Variants in CHID1 observed in about 807,000 individuals in gnomAD.
The protein encoded by CHID1 is chitinase domain containing 1, also known as chitinase domain-containing protein 1.
CHID1 carries 44 observed loss-of-function variants against 55.4 expected under a neutral mutation model. That is an observed-to-expected ratio of 0.79 (90% CI 0.62 to 1.02). The LOEUF is 1.02. Ranked by LOEUF, CHID1 falls within the 50% of genes least tolerant of loss-of-function variation. The probability of loss-of-function intolerance (pLI) is 0.00; values close to 1 mark genes in which losing one functional copy is unlikely to be tolerated. For missense variants in CHID1, 491 were observed against 515.3 expected (o/e 0.95, Z 0.46); for synonymous variants, 216 against 212.9 (o/e 1.01, Z -0.13).
intron 10 of CHID1, among the ~76,000 whole-genome samples, chr11:876,393 G>A (rs1179087512): frequency 1.3e-5 from 2 of 152,178 alleles, no homozygotes; most frequent in Non-Finnish European, 2.9e-5. Flanking sequence ...TCAGGGAGGG[G>A]CTGGACACCA....
upstream of CHID1, among the ~76,000 whole-genome samples, chr11:911,668 A>G (rs902012289): frequency 1.3e-5 from 2 of 152,102 alleles, no homozygotes; most frequent in Non-Finnish European, 2.9e-5. Flanking sequence ...CTTTCTTTCT[A>G]GTCACGTTTC....
intron 1 of CHID1, chr11:908,105 G>T (rs1458635003): frequency 6.6e-6 from 1 of 152,204 alleles, no homozygotes; most frequent in Non-Finnish European, 1.5e-5. Flanking sequence ...TGCATAGAAA[G>T]AACACGCTCC....
chr11:910,950 CG>C, upstream of CHID1: 2 of 417,994 alleles, frequency 4.8e-6, no homozygotes, highest in Non-Finnish European at 6.4e-6. Context: ...GGGCCGGGGC[CG>C]GGGCCGGGGC....
chr11:889,792 A>G (rs924919560), intron 8 of CHID1, among the ~76,000 whole-genome samples: 1 of 152,104 alleles, frequency 6.6e-6, no homozygotes, highest in African/African-American at 2.4e-5. Flanking sequence ...CCCCAACCCT[A>G]ACAGATGCTG....
chr11:903,016 C>G lies in CHID1; in HGVS notation c.207G>C (p.Ser69=). The G allele has an allele frequency of 6.2e-7, 1 of 1,614,018 alleles. No individual in the cohort carries two copies. The highest frequency in any genetic ancestry group is 8.5e-7 in the Non-Finnish European group (1 of 1,180,022). Reference sequence around the variant, plus strand: ...CAAAGTGTCTGTCCCGGGCCTTTGCCGAGCAGTAGCTGCGATGCTCAAGAA... The same window carrying G: ...CAAAGTGTCTGTCCCGGGCCTTTGCGGAGCAGTAGCTGCGATGCTCAAGAA... ...SVVLEHRSYC[S]AKARDRHFAG... Residue 69 remains serine (S), a synonymous_variant, in exon 3 of 13, where the codon TCG becomes TCC. Transcript: ENST00000323578.
In CHID1 at chr11:870,106, T is replaced by C. The variant is rs1259494881; in HGVS notation, c.1083+15A>G. The C allele has an allele frequency of 6.2e-7, 1 of 1,612,878 alleles. No homozygotes were observed. Among genetic ancestry groups the C allele is most frequent in the Admixed American group, 1.7e-5 (1 of 60,026 alleles). On this transcript the variant is annotated intron_variant, in intron 12 of 12. Coordinates refer to ENST00000323578, the MANE Select transcript of CHID1 (RefSeq NM_023947.4). The stretch of plus-strand genomic sequence containing the variant: ...CCCACCCCTCCCCCGGTCCCACGGC[T>C]GGCAGCACACGCACCTTCAGGGTTG...
chr11:905,629 CACT>C (rs947004088), intron 1 of CHID1, among the ~76,000 whole-genome samples: 3 of 151,462 alleles, frequency 2.0e-5, no homozygotes, highest in African/African-American at 7.3e-5. Flanking sequence ...AAGATCATGC[CACT>C]GCACTCCAGC....
chr11:896,655 A>ATGAGC (rs1851324455), intron 7 of CHID1, among the ~76,000 whole-genome samples: 5 of 48,438 alleles, frequency 1.0e-4, no homozygotes, highest in Non-Finnish European at 1.5e-4. Flanking sequence ...CAGACACGAA[A>ATGAGC]CTGTCTCAGG....
chr11:874,771 C>A (rs921488281), intron 10 of CHID1: 1 of 152,236 alleles, frequency 6.6e-6, no homozygotes, highest in Non-Finnish European at 1.5e-5. Flanking sequence ...TGGACTTGAC[C>A]CACCGGCTGC....
chr11:907,875 T>A (rs1852354893), intron 1 of CHID1, among the ~76,000 whole-genome samples: 1 of 152,194 alleles, frequency 6.6e-6, no homozygotes, highest in South Asian at 2.1e-4. Flanking sequence ...CCACAGTGCC[T>A]ACCCTCCTAC....
rs994289709 is a variant in CHID1 at position 892,118 on chromosome 11, AAAAAAG to A, written c.701+1303_701+1308del. The stretch of plus-strand genomic sequence containing the variant: ...CGACAGAGTGAGACTCTATCTCAAA[AAAAAAG>A]AAAAAGAAAAGAAAAAGACGCAGCG... On this transcript the variant is annotated intron_variant, in intron 8 of 12. Coordinates refer to ENST00000323578, the MANE Select transcript of CHID1 (RefSeq NM_023947.4). Among the ~76,000 whole-genome samples the A allele has an allele frequency of 2.0e-5, 3 of 152,256 alleles. No individual in the cohort carries two copies. The South Asian group carries it at 6.2e-4, about 32-fold the overall frequency.
At chr11:901,240 G>C (rs569971780) in intron 4 of CHID1, among the ~76,000 whole-genome samples, 19 of 152,094 alleles carry the variant, frequency 1.2e-4, no homozygotes, top group African/African-American at 2.2e-4. Flanking sequence ...CCCTGAGCTG[G>C]GACAGCTCAG....
chr11:894,739 C>T (rs1236581989), intron 7 of CHID1, among the ~76,000 whole-genome samples: 6 of 152,164 alleles, frequency 3.9e-5, no homozygotes, highest in Admixed American at 2.6e-4. Context: ...CAGTGAGAAC[C>T]GGGTTAGGTC....
At chr11:896,693 G>C (rs1470496019) in intron 7 of CHID1, among the ~76,000 whole-genome samples, 28 of 108,588 alleles carry the variant, frequency 2.6e-4, no homozygotes, top group South Asian at 6.9e-4. Flanking sequence ...CAGACATGAG[G>C]CTGTCTCAGC....
At chr11:903,235 T>C in intron 2 of CHID1, 124 bp from the exon 3 acceptor site, 1 of 949,974 alleles carries the variant, frequency 1.1e-6, no homozygotes, top group South Asian at 1.6e-5. Context: ...ACAGTGCTGC[T>C]GACCCGGAGA....
chr11:904,584 C>T, intron 2 of CHID1, 122 bp downstream of exon 2: 1 of 1,161,890 alleles, frequency 8.6e-7, no homozygotes, highest in Non-Finnish European at 1.2e-6. Context: ...TCATCAGGTG[C>T]CTTTGTGAGG....
chr11:900,863 G>C, intron 5 of CHID1, 73 bp downstream of exon 5: 1 of 1,264,510 alleles, frequency 7.9e-7, no homozygotes, highest in Non-Finnish European at 1.1e-6. Context: ...AACACGTGGA[G>C]ACCCCAGTGC....
chr11:878,381 T>A (rs1207097679), intron 10 of CHID1, among the ~76,000 whole-genome samples: 2 of 151,644 alleles, frequency 1.3e-5, no homozygotes, highest in African/African-American at 4.9e-5. Flanking sequence ...ACCACTGCAC[T>A]CCAGCCTGGG....
At chr11:897,914 G>A (rs1851498801) in intron 7 of CHID1, among the ~76,000 whole-genome samples, 1 of 152,200 alleles carries the variant, frequency 6.6e-6, no homozygotes, top group Non-Finnish European at 1.5e-5. Flanking sequence ...GGCGGAGGGT[G>A]TGGGGGTCTG....
Sources: gnomAD v4.1 joint callset for allele counts (sites outside exome capture counted in the v4.1 genomes callset) on GRCh38, gnomAD v4.1.1 for gene constraint, MANE v1.5 for transcripts, NCBI Gene and HGNC (gene_info 2026-07-23, HGNC 2026-07-21) for gene names.